The following GRID2 variants were observed in gnomAD, a reference collection of about 807,000 sequenced individuals.
GRID2 encodes glutamate receptor ionotropic, delta-2.
A neutral mutation model predicts 114.8 loss-of-function variants in GRID2; 33 were observed. The ratio of observed to expected loss-of-function variants is 0.29; its 90% CI spans 0.22 to 0.38. GRID2 has a LOEUF of 0.38. GRID2 is among the 10% of genes least tolerant of loss of function. The pLI, the probability that GRID2 is intolerant of heterozygous loss-of-function variation, is 1.00. For missense variants in GRID2, 1,184 were observed against 1,257.7 expected, an observed-to-expected ratio of 0.94 and a Z score of 0.89; for synonymous variants, 505 against 449.9, an observed-to-expected ratio of 1.12 and a Z score of -1.55.
chr4:92,678,146 T>C (rs1733472005), intron 2 of GRID2, among the ~76,000 whole-genome samples: 1 of 152,138 alleles, frequency 6.6e-6, no homozygotes, highest in African/African-American at 2.4e-5. Context: ...AATTTTACCT[T>C]TTTAATTAGG....
chr4:92,561,418 CT>C, intron 1 of GRID2, among the ~76,000 whole-genome samples: 1 of 152,276 alleles, frequency 6.6e-6, no homozygotes, highest in East Asian at 1.9e-4. Context: ...TCACTTTAAG[CT>C]TCTGTTTTTG....
chr4:93,738,431 A>G (rs1361270002), intron 14 of GRID2, among the ~76,000 whole-genome samples: 2 of 152,180 alleles, frequency 1.3e-5, no homozygotes, highest in Non-Finnish European at 2.9e-5. Context: ...AAAGACTAAC[A>G]TGATTATCCA....
chr4:92,733,949 A>T (rs1425421498), intron 2 of GRID2, among the ~76,000 whole-genome samples: 9 of 151,830 alleles, frequency 5.9e-5, no homozygotes, highest in Admixed American at 5.9e-4. Flanking sequence ...AATTTCTCCA[A>T]CTCTTCCTCA....
chr4:93,659,199 G>T (rs1196421420), intron 14 of GRID2, among the ~76,000 whole-genome samples: 1 of 152,122 alleles, frequency 6.6e-6, no homozygotes, highest in East Asian at 1.9e-4. Context: ...AAGTAAAAGG[G>T]CCATATGACA....
intron 2 of GRID2, among the ~76,000 whole-genome samples, chr4:92,707,478 G>A (rs750139986): frequency 6.6e-6 from 1 of 152,122 alleles, no homozygotes; most frequent in African/African-American, 2.4e-5. Flanking sequence ...ATAAATGCTT[G>A]GATGACAAAG....
chr4:92,838,742 A>C (rs1189794457), intron 2 of GRID2: 2 of 152,116 alleles, frequency 1.3e-5, no homozygotes, highest in Non-Finnish European at 2.9e-5. Context: ...TGAAGGTGGT[A>C]AACTAACATT....
chr4:93,571,316 C>A (rs1212394221), intron 13 of GRID2, among the ~76,000 whole-genome samples: 1 of 151,912 alleles, frequency 6.6e-6, no homozygotes, highest in Non-Finnish European at 1.5e-5. Context: ...GGTTATTTTT[C>A]CCCAGAAGTA....
chr4:92,601,257 A>G (rs1295546312), intron 2 of GRID2, among the ~76,000 whole-genome samples: 1 of 152,174 alleles, frequency 6.6e-6, no homozygotes, highest in Non-Finnish European at 1.5e-5. Flanking sequence ...TGGCACTTAC[A>G]TTAAAATTCA....
intron 4 of GRID2, among the ~76,000 whole-genome samples, chr4:93,170,905 A>C (rs2149422014): frequency 1.3e-5 from 2 of 150,756 alleles, no homozygotes; most frequent in Middle Eastern, 6.8e-3. Flanking sequence ...ATTTAGCTTT[A>C]CTTTTAAATA....
intron 2 of GRID2, among the ~76,000 whole-genome samples, chr4:93,033,486 C>G (rs1560813562): frequency 6.6e-6 from 1 of 152,076 alleles, no homozygotes. Context: ...CAGGAAAGCC[C>G]ACTAGAACCT....
At chr4:92,757,861 G>T (rs200729386) in intron 2 of GRID2, among the ~76,000 whole-genome samples, 6 of 151,808 alleles carry the variant, frequency 4.0e-5, no homozygotes, top group African/African-American at 1.2e-4. Context: ...AAAAAAAAAG[G>T]TTTATACATT....
chr4:93,297,012 A>G (rs534109028), intron 8 of GRID2, among the ~76,000 whole-genome samples: 3 of 152,342 alleles, frequency 2.0e-5, no homozygotes, highest in East Asian at 1.9e-4. Context: ...TAAAAAACCA[A>G]TTCCCATGTG....
chr4:92,705,757 A>T (rs1421087229), intron 2 of GRID2, among the ~76,000 whole-genome samples: 2 of 152,126 alleles, frequency 1.3e-5, no homozygotes, highest in Admixed American at 6.6e-5. Context: ...GGTTGCCTCA[A>T]AGTTGGTTTT....
chr4:93,455,614 A>G (rs762305437), intron 10 of GRID2, 48 bp from the exon 11 acceptor site: 3 of 1,305,300 alleles, frequency 2.3e-6, no homozygotes, highest in Non-Finnish European at 3.3e-6. Context: ...CACAAATGAA[A>G]TTGTTTTTCA....
At chr4:93,154,281 C>G (rs1379594922) in intron 4 of GRID2, among the ~76,000 whole-genome samples, 6 of 151,976 alleles carry the variant, frequency 3.9e-5, no homozygotes, top group Non-Finnish European at 8.8e-5. Context: ...CAGCTTCAAA[C>G]CCTCCAGTAT....
At chr4:92,617,008 G>A (rs899581768) in intron 2 of GRID2, among the ~76,000 whole-genome samples, 4 of 151,288 alleles carry the variant, frequency 2.6e-5, no homozygotes, top group Admixed American at 2.0e-4. Flanking sequence ...GTATAGATCA[G>A]GGTGATTAGC....
At chr4:92,545,824 T>C (rs796732133) in intron 1 of GRID2, among the ~76,000 whole-genome samples, 38 of 152,296 alleles carry the variant, frequency 2.5e-4, no homozygotes, top group African/African-American at 7.9e-4. Flanking sequence ...CTCAGATTTT[T>C]CTTCCTCCAA....
chr4:93,563,837 A>G (rs1288316252), intron 13 of GRID2, among the ~76,000 whole-genome samples: 2 of 151,974 alleles, frequency 1.3e-5, no homozygotes, highest in Non-Finnish European at 2.9e-5. Context: ...TATCAGATTT[A>G]GTTTGCTCAC....
At chr4:92,486,023 C>G (rs1460823527) in intron 1 of GRID2, among the ~76,000 whole-genome samples, 1 of 151,714 alleles carries the variant, frequency 6.6e-6, no homozygotes, top group African/African-American at 2.4e-5. Flanking sequence ...CTAATGGGTT[C>G]TCATTAACAC....
Sources: allele counts gnomAD v4.1 joint callset (sites outside exome capture counted in the v4.1 genomes callset), GRCh38; gene constraint gnomAD v4.1.1; transcripts MANE v1.5; gene names NCBI Gene and HGNC (gene_info 2026-07-23, HGNC 2026-07-21).